ZNF827: variants seen among roughly 807,000 people sequenced by gnomAD.
ZNF827 encodes zinc finger protein 827.
ZNF827 carries 13 observed loss-of-function variants against 102.4 expected under a neutral mutation model. The ratio of observed to expected loss-of-function variants is 0.13; its 90% CI spans 0.08 to 0.20. The LOEUF is 0.20. ZNF827 is among the 10% of genes least tolerant of loss of function. The pLI, the probability that ZNF827 is intolerant of heterozygous loss-of-function variation, is 1.00. For missense variants in ZNF827, 1,103 were observed against 1,344.4 expected, an observed-to-expected ratio of 0.82 and a Z score of 2.81; for synonymous variants, 523 against 536.2, an observed-to-expected ratio of 0.98 and a Z score of 0.34.
At chr4:145,864,997 T>C (rs147620883) in intron 5 of ZNF827, among the ~76,000 whole-genome samples, 7 of 152,314 alleles carry the variant, frequency 4.6e-5, no homozygotes, top group Non-Finnish European at 7.3e-5. Flanking sequence ...GCAAATAAGT[T>C]TTTGCTCTGA....
intron 7 of ZNF827, among the ~76,000 whole-genome samples, chr4:145,842,832 C>T (rs569520581): frequency 2.6e-5 from 4 of 152,254 alleles, no homozygotes; most frequent in South Asian, 2.1e-4. Flanking sequence ...AATCATGAAC[C>T]GTCCTTCTGA....
Position 145,761,565 on chromosome 4 carries a change from G to A in ZNF827, c.*51C>T. 7 of 1,276,010 alleles carry A rather than the reference G, an allele frequency of 5.5e-6. No individual in the cohort carries two copies. Among genetic ancestry groups the A allele is most frequent in the Non-Finnish European group, 6.1e-6 (6 of 978,984 alleles). The allele number at this position is 1,276,010 out of a possible 1,614,324, so 79.0% of individuals were successfully genotyped here. On this transcript the variant is annotated 3_prime_UTR_variant, in exon 15 of 15. Coordinates refer to ENST00000508784, the MANE Select transcript of ZNF827 (RefSeq NM_001306215.2). This position sits in a 1 kb window ranked among gnomAD's most constrained non-coding sequence, Gnocchi z 6.8. Reference sequence around the variant, plus strand: ...TCTTGAGGTGGCACTCCATGGCAGCGGGGCGGTTGGTGGAATAAATGCAGA... The same window carrying A: ...TCTTGAGGTGGCACTCCATGGCAGCAGGGCGGTTGGTGGAATAAATGCAGA...
In ZNF827 at chr4:145,915,403, C is replaced by T. The variant is rs568288791; in HGVS notation, c.44-12188G>A. 3.9e-5 allele frequency among the ~76,000 whole-genome samples: 6 copies of T among 152,042 alleles called. No individual in the cohort carries two copies. The South Asian group carries it at 1.2e-3, about 32-fold the overall frequency. On this transcript the variant is annotated intron_variant, in intron 1 of 14. Coordinates refer to ENST00000508784, the MANE Select transcript of ZNF827 (RefSeq NM_001306215.2). ...CAGAGGTTGCCATGAGCTGAGATGG[C>T]GCCATTGCACTCCAACCCAGGCAAC...
intron 8 of ZNF827, among the ~76,000 whole-genome samples, chr4:145,803,489 T>G (rs997664647): frequency 1.3e-5 from 2 of 152,060 alleles, no homozygotes; most frequent in African/African-American, 4.8e-5. Context: ...ATTGCACAAA[T>G]AAAGGCAGTG....
chr4:145,901,129 G>A (rs762928485), intron 2 of ZNF827, among the ~76,000 whole-genome samples: 38 of 152,236 alleles, frequency 2.5e-4, no homozygotes, highest in Admixed American at 1.2e-3. Flanking sequence ...TGATCGTTCC[G>A]TCAATTATTT....
chr4:145,767,625 ATATGT>A (rs1355861871), intron 11 of ZNF827, among the ~76,000 whole-genome samples: 1 of 152,240 alleles, frequency 6.6e-6, no homozygotes. Flanking sequence ...AGGAAGAAAG[ATATGT>A]TATGTGCACA....
intron 8 of ZNF827, among the ~76,000 whole-genome samples, chr4:145,781,568 T>C (rs952229672): frequency 3.3e-5 from 5 of 152,112 alleles, no homozygotes; most frequent in African/African-American, 9.7e-5. Flanking sequence ...GGAAGAAGGG[T>C]TGCTCTTATT....
chr4:145,837,474 A>C (rs202020076), intron 7 of ZNF827, among the ~76,000 whole-genome samples: 3 of 139,510 alleles, frequency 2.2e-5, no homozygotes, highest in African/African-American at 7.7e-5. Context: ...TGTGCCCCCC[A>C]CCAAAAAAAA....
In ZNF827 at chr4:145,759,117, T is replaced by G. The variant is rs144217933; in HGVS notation, c.*2499A>C. ...CAACACAGTAAGAAAATGTTCCTCC[T>G]GTACACCAGTTCTCCAATAGATAAA... is the stretch of plus-strand genomic sequence containing the variant. On this transcript the variant is annotated 3_prime_UTR_variant, in exon 15 of 15. Transcript: ENST00000508784. 8.5e-4 allele frequency: 130 copies of G among 152,342 alleles called. No homozygotes were observed. The highest frequency in any genetic ancestry group is 3.0e-3 in the African/African-American group (124 of 41,578). 9.4% of individuals were successfully genotyped at this position (152,342 alleles called of 1,614,324 possible). A position where few individuals can be genotyped will look rare whatever the true frequency, so the allele number is the denominator to read the frequency against.
intron 1 of ZNF827, among the ~76,000 whole-genome samples, chr4:145,910,330 C>T (rs756906924): frequency 1.1e-4 from 17 of 152,242 alleles, no homozygotes; most frequent in Admixed American, 2.6e-4. Context: ...TTAGCCAGAC[C>T]TTCCATGGCC....
chr4:145,854,169 A>G (rs1746832719), intron 5 of ZNF827, among the ~76,000 whole-genome samples: 1 of 152,054 alleles, frequency 6.6e-6, no homozygotes. Context: ...CACTAGGAGT[A>G]AGGAAACTAC....
chr4:145,812,677 G>A (rs1333030735), intron 8 of ZNF827, among the ~76,000 whole-genome samples: 4 of 152,046 alleles, frequency 2.6e-5, no homozygotes, highest in Admixed American at 1.3e-4. Flanking sequence ...ACAGGCGCAC[G>A]CCAACACGCC....
At chr4:145,900,472 C>T (rs770999938) in intron 2 of ZNF827, among the ~76,000 whole-genome samples, 4 of 152,074 alleles carry the variant, frequency 2.6e-5, no homozygotes, top group East Asian at 1.9e-4. Context: ...TGCAGTGACA[C>T]GATCTCAGCT....
At chr4:145,875,672 T>A (rs1237536232) in intron 4 of ZNF827, among the ~76,000 whole-genome samples, 1 of 152,218 alleles carries the variant, frequency 6.6e-6, no homozygotes, top group Non-Finnish European at 1.5e-5. Context: ...TTGAGCTTAA[T>A]AAGACAGAAC....
rs957739082 is a variant in ZNF827, at chr4:145,758,301, A to C, written c.*3315T>G. Reference sequence around the variant, plus strand: ...GCAGTGAAATGCATGGCATTTGAGCAGTAAACGTCTCCTTCCTTCACCTCC... The same window carrying C: ...GCAGTGAAATGCATGGCATTTGAGCCGTAAACGTCTCCTTCCTTCACCTCC... On this transcript the variant is annotated 3_prime_UTR_variant, in exon 15 of 15. Coordinates refer to ENST00000508784, the MANE Select transcript of ZNF827 (RefSeq NM_001306215.2). 17 of 152,376 alleles carry C rather than the reference A, an allele frequency of 1.1e-4. No homozygotes were observed. The highest frequency in any genetic ancestry group is 3.6e-4 in the African/African-American group (15 of 41,586). 9.4% of individuals were successfully genotyped at this position (152,376 alleles called of 1,614,324 possible).
intron 2 of ZNF827, among the ~76,000 whole-genome samples, chr4:145,901,389 T>A (rs779690224): frequency 9.2e-5 from 14 of 152,210 alleles, no homozygotes; most frequent in Non-Finnish European, 1.9e-4. Context: ...GTGACTAAAT[T>A]TCTCCCTCAG....
At chr4:145,931,523 T>C (rs923328171) in intron 1 of ZNF827, among the ~76,000 whole-genome samples, 11 of 152,228 alleles carry the variant, frequency 7.2e-5, no homozygotes, top group African/African-American at 2.7e-4. Context: ...CTCATGTTCT[T>C]GTAAAACCTT....
intron 7 of ZNF827, among the ~76,000 whole-genome samples, chr4:145,840,092 A>G (rs1396488126): frequency 6.6e-6 from 1 of 152,238 alleles, no homozygotes; most frequent in Non-Finnish European, 1.5e-5. Flanking sequence ...GGGAAGGAAA[A>G]ACAAATCCAA....
At chr4:145,810,556 G>GGTAATCAGT (rs750463609) in intron 8 of ZNF827, among the ~76,000 whole-genome samples, 15 of 152,300 alleles carry the variant, frequency 9.8e-5, no homozygotes, top group Non-Finnish European at 2.2e-4. Flanking sequence ...ACTTGTCAGT[G>GGTAATCAGT]GTAATCACCA....
Sources: allele counts gnomAD v4.1 joint callset (sites outside exome capture counted in the v4.1 genomes callset), GRCh38; gene constraint gnomAD v4.1.1; non-coding constraint Gnocchi (gnomAD v3.1); transcripts MANE v1.5; gene names NCBI Gene and HGNC (gene_info 2026-07-23, HGNC 2026-07-21).